Variants in USP6NL observed in about 807,000 individuals in gnomAD.
USP6NL encodes the protein USP6 N-terminal like.
A neutral mutation model predicts 61.9 loss-of-function variants in USP6NL; 26 were observed. The ratio of observed to expected loss-of-function variants is 0.42; its 90% CI spans 0.31 to 0.58. USP6NL has a LOEUF of 0.58. USP6NL is among the 20% of genes least tolerant of loss of function. The probability of loss-of-function intolerance (pLI) is 0.16; values close to 1 mark genes in which losing one functional copy is unlikely to be tolerated. For synonymous variants in USP6NL, 432 were observed against 390.1 expected, an observed-to-expected ratio of 1.11 and a Z score of -1.27; for missense variants, 1,114 against 1,034.3, an observed-to-expected ratio of 1.08 and a Z score of -1.06.
Position 11,462,170 on chromosome 10 carries a change from G to A in USP6NL, c.*271C>T, listed in dbSNP as rs2096216827. On this transcript the variant is annotated 3_prime_UTR_variant, in exon 15 of 15. Coordinates refer to ENST00000609104, the MANE Select transcript of USP6NL (RefSeq NM_014688.5). ...TGGAGAAAAACATAACCGGAACTGA[G>A]TAATAAATTACCACTGTGCGTGCAT... 1 of 408,996 alleles carries A rather than the reference G, an allele frequency of 2.4e-6. No individual in the cohort carries two copies. The highest frequency in any genetic ancestry group is 2.0e-5 in the African/African-American group (1 of 49,832). The allele number at this position is 408,996 out of a possible 1,614,324, so 25.3% of individuals were successfully genotyped here.
In USP6NL at chr10:11,490,470, T is replaced by C. The variant is rs896422980; in HGVS notation, c.543+362A>G. ...AACCTCCCAAGAGCAAAGAGAGTTA[T>C]AAAAAGTCAAGCAAAAATTAACCAA... On this transcript the variant is annotated intron_variant, in intron 9 of 14. Coordinates refer to ENST00000609104, the MANE Select transcript of USP6NL (RefSeq NM_014688.5). This position sits in a 1 kb window ranked among gnomAD's most constrained non-coding sequence, Gnocchi z 4.5. Among the ~76,000 whole-genome samples the C allele has an allele frequency of 3.9e-4, 59 of 152,286 alleles. No homozygotes were observed. Among genetic ancestry groups the C allele is most frequent in the African/African-American group, 1.3e-3 (54 of 41,562 alleles).
intron 2 of USP6NL, among the ~76,000 whole-genome samples, chr10:11,581,847 A>G (rs1446096122): frequency 6.6e-6 from 1 of 152,156 alleles, no homozygotes. Context: ...ATCTCAGCTC[A>G]TGCAACCTTT....
intron 2 of USP6NL, chr10:11,565,046 A>T (rs1009156992): frequency 2.0e-5 from 3 of 152,238 alleles, no homozygotes; most frequent in African/African-American, 7.2e-5. Context: ...GATAGTCATC[A>T]TTCTACAGGA....
At chr10:11,533,413 C>T (rs1350129059) in intron 2 of USP6NL, among the ~76,000 whole-genome samples, 1 of 152,182 alleles carries the variant, frequency 6.6e-6, no homozygotes, top group Non-Finnish European at 1.5e-5. Flanking sequence ...TAAATGTTGC[C>T]TCATAATTGC....
intron 2 of USP6NL, chr10:11,564,152 C>G (rs1005691924): frequency 4.6e-5 from 7 of 152,164 alleles, no homozygotes; most frequent in African/African-American, 1.7e-4. Flanking sequence ...TTATTAATCA[C>G]TGCATCTGGT....
intron 2 of USP6NL, among the ~76,000 whole-genome samples, chr10:11,566,518 G>A (rs1837163196): frequency 6.6e-6 from 1 of 152,160 alleles, no homozygotes; most frequent in Non-Finnish European, 1.5e-5. Context: ...TTTTACATAT[G>A]AGGAAACTGA....
chr10:11,590,195 CT>C (rs1365837731), intron 2 of USP6NL, among the ~76,000 whole-genome samples: 3 of 152,088 alleles, frequency 2.0e-5, no homozygotes, highest in African/African-American at 7.2e-5. Context: ...TAAAGAGAAG[CT>C]GAAAAGAATT....
At chr10:11,565,144 T>G (rs1371740840) in intron 2 of USP6NL, 1 of 152,232 alleles carries the variant, frequency 6.6e-6, no homozygotes, top group African/African-American at 2.4e-5. Flanking sequence ...GATGTCACTA[T>G]CATAGAAACA....
At chr10:11,609,177 G>A (rs1378797536) in intron 1 of USP6NL, among the ~76,000 whole-genome samples, 1 of 152,130 alleles carries the variant, frequency 6.6e-6, no homozygotes, top group Non-Finnish European at 1.5e-5. Flanking sequence ...GGATTCTCCT[G>A]TCTCAGCCTC....
chr10:11,607,089 A>T (rs189347855), intron 1 of USP6NL, among the ~76,000 whole-genome samples: 1 of 152,316 alleles, frequency 6.6e-6, no homozygotes, highest in East Asian at 1.9e-4. Context: ...ACACCTGGCC[A>T]AAATTAATTT....
chr10:11,519,077 CTGA>C (rs1835092502), intron 4 of USP6NL, among the ~76,000 whole-genome samples: 1 of 151,100 alleles, frequency 6.6e-6, no homozygotes, highest in African/African-American at 2.5e-5. Flanking sequence ...AACGATAGCT[CTGA>C]TGTTGTAGTA....
Position 11,597,745 on chromosome 10 carries a change from AGTATTTTC to A in USP6NL, c.-83-36_-83-29del. ...AGTCAGGAAACAAAGAGAAAGAAAT[AGTATTTTC>A]TAGAGGTCAATATTTAAAATAAAGT... is the stretch of plus-strand genomic sequence containing the variant. On this transcript the variant is annotated intron_variant, in intron 1 of 14. Transcript: ENST00000609104. The surrounding 1 kb of genome is among the most constrained non-coding windows in gnomAD (Gnocchi z 4.6). The A allele has an allele frequency of 1.3e-6, 1 of 797,822 alleles. No individual in the cohort carries two copies. The highest frequency in any genetic ancestry group is 2.1e-6 in the Non-Finnish European group (1 of 480,752). 49.4% of individuals were successfully genotyped at this position (797,822 alleles called of 1,614,324 possible). A position where few individuals can be genotyped will look rare whatever the true frequency, so the allele number is the denominator to read the frequency against.
At chr10:11,549,466 T>G (rs1050492896) in intron 2 of USP6NL, among the ~76,000 whole-genome samples, 1 of 152,206 alleles carries the variant, frequency 6.6e-6, no homozygotes, top group African/African-American at 2.4e-5. Flanking sequence ...GATGCTATGT[T>G]TAAGTATCTA....
At chr10:11,594,965 G>C (rs1189603307) in intron 2 of USP6NL, among the ~76,000 whole-genome samples, 1 of 152,202 alleles carries the variant, frequency 6.6e-6, no homozygotes, top group Non-Finnish European at 1.5e-5. Flanking sequence ...GAGTGCTATG[G>C]AGAAGCAGCG....
At chr10:11,550,478 G>A (rs72777668) in intron 2 of USP6NL, among the ~76,000 whole-genome samples, 6,745 of 152,110 alleles carry the variant, frequency 0.044, 207 homozygotes, top group Non-Finnish European at 0.07. Flanking sequence ...AAAAGAGGCC[G>A]AGCACTGTGG....
In USP6NL at chr10:11,549,742, A is replaced by G. The variant is rs1004370812; in HGVS notation, c.5-22175T>C. 5.9e-5 allele frequency among the ~76,000 whole-genome samples: 9 copies of G among 152,344 alleles called. No homozygotes were observed. In the South Asian group the frequency reaches 1.0e-3, roughly 18 times the overall value. On this transcript the variant is annotated intron_variant, in intron 2 of 14. Transcript: ENST00000609104. ...GTAAATCACATATCACTAACTGGGTATGAACAATGTTTTTCCTTTACAAGT... is the reference window on the plus strand; with the variant it reads ...GTAAATCACATATCACTAACTGGGTGTGAACAATGTTTTTCCTTTACAAGT...
At chr10:11,555,202 G>A (rs555503192) in intron 2 of USP6NL, among the ~76,000 whole-genome samples, 40 of 146,962 alleles carry the variant, frequency 2.7e-4, no homozygotes, top group Middle Eastern at 3.5e-3. Flanking sequence ...GATCACCTGA[G>A]GTCAGGAGTT....
At chr10:11,469,596 CAG>C (rs1832642856) in intron 14 of USP6NL, among the ~76,000 whole-genome samples, 1 of 152,176 alleles carries the variant, frequency 6.6e-6, no homozygotes, top group Non-Finnish European at 1.5e-5. Flanking sequence ...CTTTGCTCTG[CAG>C]AGATTTTCAA....
rs189981201 is a variant in USP6NL, at chr10:11,472,436, G to A, written c.1079-8587C>T. ...AAGAGGCGCATCATTGCAGCAAAGCGCTCTAAGTGCTCGCTCTGTGAGCAG... is the reference window on the plus strand; with the variant it reads ...AAGAGGCGCATCATTGCAGCAAAGCACTCTAAGTGCTCGCTCTGTGAGCAG... On this transcript the variant is annotated intron_variant, in intron 14 of 14. Transcript: ENST00000609104. Among the ~76,000 whole-genome samples the A allele has an allele frequency of 1.6e-3, 249 of 152,294 alleles. 3 individuals are homozygous for A. The highest frequency in any genetic ancestry group is 5.5e-3 in the African/African-American group (230 of 41,570).
Sources: gnomAD v4.1 joint callset for allele counts (sites outside exome capture counted in the v4.1 genomes callset) on GRCh38, gnomAD v4.1.1 for gene constraint, Gnocchi (gnomAD v3.1) non-coding constraint, MANE v1.5 for transcripts, NCBI Gene and HGNC (gene_info 2026-07-23, HGNC 2026-07-21) for gene names.